The following RNF207 variants were observed in gnomAD, a reference collection of about 807,000 sequenced individuals.
The protein encoded by RNF207 is OTTHUMG00000001089.
Under a neutral mutation model 79.0 loss-of-function variants are expected in RNF207, and 72 were observed. The observed-to-expected ratio is 0.91, with a 90% CI of 0.75 to 1.11. The LOEUF (loss-of-function observed/expected upper bound fraction) is 1.11. Among genes scored for constraint, RNF207 ranks in the 50% least tolerant of loss-of-function variants. The probability of loss-of-function intolerance (pLI) is 0.00; values close to 1 mark genes in which losing one functional copy is unlikely to be tolerated. For missense variants in RNF207, 936 were observed against 855.8 expected, an observed-to-expected ratio of 1.09 and a Z score of -1.17; for synonymous variants, 348 against 366.2, an observed-to-expected ratio of 0.95 and a Z score of 0.57.
In RNF207 at chr1:6,211,079, G is replaced by A. The variant is rs748614462; in HGVS notation, c.1070G>A (p.Gly357Glu). 6.2e-6 allele frequency: 10 copies of A among 1,604,806 alleles called. No individual in the cohort carries two copies. The highest frequency in any genetic ancestry group is 1.7e-5 in the Admixed American group (1 of 59,714). The change falls in exon 12 of 18, where the codon GGG (glycine) becomes GAG (glutamate). Residue 357 changes from glycine (G) to glutamate (E), a missense_variant. Coordinates refer to ENST00000377939, the MANE Select transcript of RNF207 (RefSeq NM_207396.3). The surrounding 1 kb of genome is among the most constrained non-coding windows in gnomAD (Gnocchi z 4.2). ...ARCLEPLLLL[G>E]PRRVAAAASG... ...TGTCTGGAGCCACTGCTGCTGCTGG[G>A]GCCACGTCGGGTGGCAGCTGCTGCA... is the stretch of plus-strand genomic sequence containing the variant.
In RNF207 at chr1:6,210,544, C is replaced by G. The variant is rs113977576; in HGVS notation, c.942+106C>G. The G allele has an allele frequency of 4.5e-4, 383 of 852,106 alleles. 2 individuals are homozygous for G. In the African/African-American group the frequency reaches 5.8e-3, roughly 13 times the overall value. The allele number at this position is 852,106 out of a possible 1,614,324, so 52.8% of individuals were successfully genotyped here. A position where few individuals can be genotyped will look rare whatever the true frequency, so the allele number is the denominator to read the frequency against. On this transcript the variant is annotated intron_variant, in intron 10 of 17. Transcript: ENST00000377939. ...GGCAGCCTGTCACCTGGAGCCTGGA[C>G]CAGGGATCTCGGGGCTGACCCCCTC...
Position 6,207,773 on chromosome 1 carries a change from A to G in RNF207, c.324+262A>G, listed in dbSNP as rs189343192. ...TCTGGGGAGAGCTCACTGGTCCCCA[A>G]TTCAGGGTGGAGTTGTGGACCTGCA... On this transcript the variant is annotated intron_variant, in intron 3 of 17. Transcript: ENST00000377939. The surrounding 1 kb of genome is among the most constrained non-coding windows in gnomAD (Gnocchi z 4.5). The G allele has an allele frequency of 2.3e-5, 15 of 653,122 alleles. No homozygotes were observed. Among genetic ancestry groups the G allele is most frequent in the East Asian group, 9.0e-5 (3 of 33,182 alleles). 40.5% of individuals were successfully genotyped at this position (653,122 alleles called of 1,614,324 possible).
chr1:6,206,777 C>A (rs772889658), intron 2 of RNF207, 51 bp downstream of exon 2: 1 of 1,523,246 alleles, frequency 6.6e-7, no homozygotes, highest in South Asian at 1.2e-5. Flanking sequence ...CCCCCGGGCC[C>A]AAGGTTGGCT....
At position 6,209,401 on chromosome 1, in the gene RNF207, G is replaced by T. The variant is rs370066405; in HGVS notation, c.628-13G>T. ...CGGCGGCGATCGCGAGCCTGACCAC[G>T]CCCTGTCCCCAGGCCGTGAAGGCCC... On this transcript the variant is annotated splice_polypyrimidine_tract_variant and intron_variant, in intron 6 of 17. Transcript: ENST00000377939. The T allele has an allele frequency of 1.6e-4, 249 of 1,523,886 alleles. 1 individual carries two copies. Among genetic ancestry groups the T allele is most frequent in the Non-Finnish European group, 1.8e-4 (203 of 1,140,678 alleles). The allele number at this position is 1,523,886 out of a possible 1,614,324, so 94.4% of individuals were successfully genotyped here.
intron 17 of RNF207, 86 bp downstream of exon 17, chr1:6,218,455 C>T (rs529520104): frequency 4.9e-6 from 5 of 1,018,404 alleles, no homozygotes; most frequent in Admixed American, 2.2e-5. Flanking sequence ...CAGGCTTTTC[C>T]CCTTTGGCGC....
At chr1:6,213,247 G>A in intron 16 of RNF207, 64 bp downstream of exon 16, 1 of 1,100,624 alleles carries the variant, frequency 9.1e-7, no homozygotes, top group Non-Finnish European at 1.4e-6. Flanking sequence ...GGGGCTGGGT[G>A]CGGTGGCTCA....
chr1:6,211,960 G>A lies in RNF207; in HGVS notation c.1203G>A (p.Thr401=), dbSNP rs764638509. 1.8e-5 allele frequency: 28 copies of A among 1,569,598 alleles called. 1 individual carries two copies. Among genetic ancestry groups the A allele is most frequent in the South Asian group, 8.2e-5 (7 of 85,764 alleles). The change falls in exon 13 of 18, where the codon ACG becomes ACA. Residue 401 remains threonine, a synonymous_variant. Transcript: ENST00000377939. This position sits in a 1 kb window ranked among gnomAD's most constrained non-coding sequence, Gnocchi z 4.2. ...CGGGGTCACCCGTCCAAAAGCCCACGCTGCACCGGTCCATCAGCACCAAGG... is the reference window on the plus strand; with the variant it reads ...CGGGGTCACCCGTCCAAAAGCCCACACTGCACCGGTCCATCAGCACCAAGG... The part of the protein sequence containing the change: ...KMSGSPVQKP[T]LHRSISTKVL...
Position 6,211,871 on chromosome 1 carries a change from G to T in RNF207, c.1114G>T (p.Ala372Ser). ...CCACACTGGCTCTCTCCCCAGGCTG[G>T]CAGGGGGCTTAGGCCCCAAGGCGCT... ...AAAASGANTL[A>S]GGLGPKALTG... The change falls in exon 13 of 18, where the codon GCA becomes TCA. Residue 372 changes from alanine (A) to serine (S), a missense_variant. Coordinates refer to ENST00000377939, the MANE Select transcript of RNF207 (RefSeq NM_207396.3). The surrounding 1 kb of genome is among the most constrained non-coding windows in gnomAD (Gnocchi z 4.2). 6.5e-7 allele frequency: 1 copy of T among 1,547,670 alleles called. No individual in the cohort carries two copies. The highest frequency in any genetic ancestry group is 8.7e-7 in the Non-Finnish European group (1 of 1,146,062).
intron 8 of RNF207, 83 bp downstream of exon 8, chr1:6,210,053 AC>A: frequency 7.1e-7 from 1 of 1,416,452 alleles, no homozygotes; most frequent in Non-Finnish European, 9.7e-7. Flanking sequence ...GCCCTGCCCC[AC>A]CCTGAGGAGC....
Position 6,218,338 on chromosome 1 carries a change from G to T in RNF207, c.1702G>T (p.Asp568Tyr), listed in dbSNP as rs776503499. Residue 568 changes from aspartate (D) to tyrosine (Y), a missense_variant, in exon 17 of 18, where the codon GAC becomes TAC. Transcript: ENST00000377939. The part of the protein sequence containing the change: ...EQSESLQNTH[D>Y]DSRNNAASAR... The stretch of plus-strand genomic sequence containing the variant: ...GTCAGAGAGTCTACAGAACACGCAC[G>T]ACGACAGCAGGAACAACGCGGCCTC... The T allele has an allele frequency of 2.5e-6, 4 of 1,614,026 alleles. No homozygotes were observed. The South Asian group carries it at 3.3e-5, about 13-fold the overall frequency.
chr1:6,218,998 G>A (rs1268485888), intron 17 of RNF207, among the ~76,000 whole-genome samples: 2 of 152,118 alleles, frequency 1.3e-5, no homozygotes, highest in Non-Finnish European at 2.9e-5. Context: ...AAAATGCAGT[G>A]TCACCAGAAA....
rs1210047033 is a variant in RNF207, at chr1:6,212,672, T to C, written c.1483-10T>C. 8 of 1,612,968 alleles carry C rather than the reference T, an allele frequency of 5.0e-6. No individual in the cohort carries two copies. The highest frequency in any genetic ancestry group is 5.9e-6 in the Non-Finnish European group (7 of 1,178,970). ...ACTGCCACATCCAATGTCCAGCTTT[T>C]CTCTTTCAGATTTGGGAGGAAGCCT... On this transcript the variant is annotated splice_polypyrimidine_tract_variant and intron_variant, in intron 14 of 17. Coordinates refer to ENST00000377939, the MANE Select transcript of RNF207 (RefSeq NM_207396.3).
At position 6,220,365 on chromosome 1, in the gene RNF207, G is replaced by GT. The variant is rs1323631069; in HGVS notation, c.*959dup. On this transcript the variant is annotated 3_prime_UTR_variant, in exon 18 of 18. Coordinates refer to ENST00000377939, the MANE Select transcript of RNF207 (RefSeq NM_207396.3). Reference sequence around the variant, plus strand: ...CAGGCCCTGTGCTGGGCAGAGTGTGGTATGTCAGGGTGTGCCGGTTTTAGG... The same window carrying GT: ...CAGGCCCTGTGCTGGGCAGAGTGTGGTTATGTCAGGGTGTGCCGGTTTTAGG... 1 of 152,176 alleles carries GT rather than the reference G, an allele frequency of 6.6e-6. No homozygotes were observed. Among genetic ancestry groups the GT allele is most frequent in the Non-Finnish European group, 1.5e-5 (1 of 68,038 alleles). 9.4% of individuals were successfully genotyped at this position (152,176 alleles called of 1,614,324 possible).
rs563033379 is a variant in RNF207, at chr1:6,206,813, A to T, written c.191+87A>T. The T allele has an allele frequency of 6.0e-4, 664 of 1,098,846 alleles. 7 individuals carry two copies. The African/African-American group carries it at 9.3e-3, about 15-fold the overall frequency. The allele number at this position is 1,098,846 out of a possible 1,614,324, so 68.1% of individuals were successfully genotyped here. ...CTGCCCGAGCTGGGACCCAGGTGCC[A>T]GGAGAGTAAGGCTCCAACTTCAGGC... On this transcript the variant is annotated intron_variant, in intron 2 of 17. Coordinates refer to ENST00000377939, the MANE Select transcript of RNF207 (RefSeq NM_207396.3).
At chr1:6,214,626 C>CTTTT (rs1553148919) in intron 16 of RNF207, among the ~76,000 whole-genome samples, 2 of 95,610 alleles carry the variant, frequency 2.1e-5, no homozygotes, top group African/African-American at 1.2e-4. Context: ...TGGAATATTT[C>CTTTT]TTTCTTTTTT....
intron 17 of RNF207, 39 bp from the exon 18 acceptor site, chr1:6,219,197 G>T: frequency 6.4e-7 from 1 of 1,551,506 alleles, no homozygotes; most frequent in South Asian, 1.2e-5. Flanking sequence ...ATGGTGAAAT[G>T]GGGGAGCGGG....
In RNF207 at chr1:6,211,835, C is replaced by G. The variant is rs1318128480; in HGVS notation, c.1110-32C>G. On this transcript the variant is annotated intron_variant, in intron 12 of 17. Transcript: ENST00000377939. This position sits in a 1 kb window ranked among gnomAD's most constrained non-coding sequence, Gnocchi z 4.2. ...GCTGGGGGAGGGGCAGACTTCCCCA[C>G]CCCCCTGCATCCACACTGGCTCTCT... 1 of 1,506,678 alleles carries G rather than the reference C, an allele frequency of 6.6e-7. No homozygotes were observed. The highest frequency in any genetic ancestry group is 1.2e-5 in the South Asian group (1 of 82,080). 93.3% of individuals were successfully genotyped at this position (1,506,678 alleles called of 1,614,324 possible). A position where few individuals can be genotyped will look rare whatever the true frequency, so the allele number is the denominator to read the frequency against.
Position 6,211,761 on chromosome 1 carries a change from T to G in RNF207, c.1110-106T>G. ...GGTGGCTCTGCTGTGCTCCAGGTGGTGGAGAGGGCTGTGAGATCCCGGAGC... is the reference window on the plus strand; with the variant it reads ...GGTGGCTCTGCTGTGCTCCAGGTGGGGGAGAGGGCTGTGAGATCCCGGAGC... On this transcript the variant is annotated intron_variant, in intron 12 of 17. Coordinates refer to ENST00000377939, the MANE Select transcript of RNF207 (RefSeq NM_207396.3). This position sits in a 1 kb window ranked among gnomAD's most constrained non-coding sequence, Gnocchi z 4.2. 6 of 747,244 alleles carry G rather than the reference T, an allele frequency of 8.0e-6. No homozygotes were observed. The highest frequency in any genetic ancestry group is 1.3e-5 in the Non-Finnish European group (6 of 459,100). The allele number at this position is 747,244 out of a possible 1,614,324, so 46.3% of individuals were successfully genotyped here.
intron 10 of RNF207, 175 bp downstream of exon 10, chr1:6,210,613 G>A (rs975901282): frequency 3.9e-5 from 25 of 633,758 alleles, no homozygotes; most frequent in African/African-American, 7.3e-5. Flanking sequence ...CTGTTACAAG[G>A]ACAGTGAAGC....
Sources: allele counts gnomAD v4.1 joint callset (sites outside exome capture counted in the v4.1 genomes callset), GRCh38; gene constraint gnomAD v4.1.1; non-coding constraint Gnocchi (gnomAD v3.1); transcripts MANE v1.5; gene names NCBI Gene and HGNC (gene_info 2026-07-23, HGNC 2026-07-21).